CWC22: variants seen among roughly 807,000 people sequenced by gnomAD.
CWC22 encodes the protein pre-mRNA-splicing factor CWC22 homolog.
Under a neutral mutation model 117.2 loss-of-function variants are expected in CWC22, and 53 were observed. The ratio of observed to expected loss-of-function variants is 0.45; its 90% CI spans 0.36 to 0.57. The LOEUF is 0.57. Among genes scored for constraint, CWC22 ranks in the 20% least tolerant of loss-of-function variants. The pLI is 0.00. For synonymous variants in CWC22, 360 were observed against 355.6 expected, an observed-to-expected ratio of 1.01 and a Z score of -0.14; for missense variants, 980 against 1,068.8, an observed-to-expected ratio of 0.92 and a Z score of 1.16.
chr2:179,970,894 A>T (rs1245365305), intron 9 of CWC22, 38 bp from the exon 10 acceptor site: 2 of 1,607,192 alleles, frequency 1.2e-6, no homozygotes, highest in Admixed American at 1.7e-5. Context: ...TAAAATAAGC[A>T]ATAAATATAA....
intron 1 of CWC22, among the ~76,000 whole-genome samples, chr2:180,006,055 G>A (rs894256953): frequency 6.6e-6 from 1 of 152,176 alleles, no homozygotes; most frequent in Non-Finnish European, 1.5e-5. Flanking sequence ...GATAATTTAT[G>A]TTAACTCCTG....
chr2:179,945,841 A>C (rs985169618), intron 19 of CWC22, 126 bp from the exon 20 acceptor site: 7 of 605,268 alleles, frequency 1.2e-5, no homozygotes, highest in Non-Finnish European at 1.7e-5. Flanking sequence ...AGCCAAATTG[A>C]TTGAATAGAA....
chr2:179,963,276 A>C (rs34252047), intron 13 of CWC22, among the ~76,000 whole-genome samples: 21,833 of 149,526 alleles, frequency 0.15, 1,958 homozygotes, highest in Admixed American at 0.29. Context: ...AAGAATATTC[A>C]CCTCTGAGAA....
At chr2:179,957,057 TGA>T (rs1686613104) in intron 14 of CWC22, among the ~76,000 whole-genome samples, 1 of 152,190 alleles carries the variant, frequency 6.6e-6, no homozygotes, top group African/African-American at 2.4e-5. Context: ...CAAAATATAC[TGA>T]GGTTATTTCT....
intron 2 of CWC22, 140 bp downstream of exon 2, chr2:179,993,175 A>C (rs1687613487): frequency 3.1e-6 from 2 of 636,552 alleles, no homozygotes; most frequent in East Asian, 2.8e-5. Context: ...AATTGCAAAA[A>C]CTGCAATTAC....
At chr2:179,995,582 G>A (rs542595511) in intron 1 of CWC22, among the ~76,000 whole-genome samples, 9 of 152,238 alleles carry the variant, frequency 5.9e-5, no homozygotes, top group Admixed American at 2.6e-4. Flanking sequence ...TTTTTAAAAC[G>A]GTAACTGAAC....
At position 179,954,977 on chromosome 2, in the gene CWC22, AT is replaced by A; in HGVS notation, c.1515del (p.Lys505AsnfsTer6). The A allele has an allele frequency of 6.3e-7, 1 of 1,599,726 alleles. No individual in the cohort carries two copies. Among genetic ancestry groups the A allele is most frequent in the Non-Finnish European group, 8.5e-7 (1 of 1,172,282 alleles). Reference protein sequence around the residue: ...DCCAQQRTYEKFFGLLAGRFC... With the variant: ...DCCAQQRTYEXFFGLLAGRFC... ...CTCACCCCAGCTAATAAGCCAAAAA[AT>A]TTTTCGTATGTCCTCTGTTGGGCAC... is the stretch of plus-strand genomic sequence containing the variant. On this transcript the variant is annotated frameshift_variant, in exon 15 of 20. Transcript: ENST00000410053. LOFTEE classifies it high-confidence loss of function.
intron 19 of CWC22, among the ~76,000 whole-genome samples, chr2:179,949,134 T>C (rs765126249): frequency 2.3e-4 from 35 of 152,120 alleles, no homozygotes; most frequent in Non-Finnish European, 4.3e-4. Context: ...AGCAGAAACA[T>C]TGAGAAGTAA....
chr2:179,971,090 C>T lies in CWC22; in HGVS notation c.805-14G>A, dbSNP rs1045651735. 9.3e-6 allele frequency: 14 copies of T among 1,503,672 alleles called. No homozygotes were observed. The highest frequency in any genetic ancestry group is 1.2e-5 in the Non-Finnish European group (14 of 1,122,406). The allele number at this position is 1,503,672 out of a possible 1,614,324, so 93.1% of individuals were successfully genotyped here. Reference sequence around the variant, plus strand: ...TACTTCGTGTGCCTTAAATAAAATACATATACAAGGAAGAAACAAAATGCT... The same window carrying T: ...TACTTCGTGTGCCTTAAATAAAATATATATACAAGGAAGAAACAAAATGCT... On this transcript the variant is annotated splice_polypyrimidine_tract_variant and intron_variant, in intron 8 of 19. Coordinates refer to ENST00000410053, the MANE Select transcript of CWC22 (RefSeq NM_020943.3).
At chr2:180,002,372 T>C (rs1687868263) in intron 1 of CWC22, among the ~76,000 whole-genome samples, 1 of 152,212 alleles carries the variant, frequency 6.6e-6, no homozygotes, top group African/African-American at 2.4e-5. Flanking sequence ...AGGGCCATAA[T>C]TGATATTTAT....
chr2:179,953,302 GT>G (rs1333310876), intron 16 of CWC22, among the ~76,000 whole-genome samples: 1 of 152,004 alleles, frequency 6.6e-6, no homozygotes, highest in Non-Finnish European at 1.5e-5. Context: ...TCTAACCAAT[GT>G]TTTTAAGTTT....
At chr2:180,000,616 T>C (rs1300049851) in intron 1 of CWC22, among the ~76,000 whole-genome samples, 1 of 152,244 alleles carries the variant, frequency 6.6e-6, no homozygotes, top group Admixed American at 6.5e-5. Flanking sequence ...AGTCATTGCA[T>C]ATGCCAGGTG....
intron 19 of CWC22, among the ~76,000 whole-genome samples, chr2:179,948,029 A>G (rs1179797185): frequency 2.6e-5 from 4 of 152,322 alleles, no homozygotes; most frequent in East Asian, 3.9e-4. Flanking sequence ...CAAACTTTGA[A>G]AACATCTTTT....
chr2:179,991,418 T>C (rs773781104), intron 2 of CWC22, among the ~76,000 whole-genome samples: 3 of 152,148 alleles, frequency 2.0e-5, no homozygotes, highest in South Asian at 2.1e-4. Flanking sequence ...AGTGGACCCA[T>C]TGTGGCTAAC....
intron 13 of CWC22, among the ~76,000 whole-genome samples, chr2:179,959,930 G>T (rs910397696): frequency 6.6e-6 from 1 of 151,914 alleles, no homozygotes. Flanking sequence ...AAAATAAGAG[G>T]TATATGCATT....
chr2:179,954,396 T>C (rs1390167418), intron 15 of CWC22, 39 bp from the exon 16 acceptor site: 1 of 1,268,382 alleles, frequency 7.9e-7, no homozygotes, highest in East Asian at 2.4e-5. Context: ...AAATTGAATG[T>C]TAATACAATT....
chr2:179,991,532 G>T (rs1687567444), intron 2 of CWC22, among the ~76,000 whole-genome samples: 1 of 152,148 alleles, frequency 6.6e-6, no homozygotes, highest in South Asian at 2.1e-4. Flanking sequence ...GCAGGCTGGG[G>T]GAGAAAATGC....
chr2:179,986,319 A>C (rs1288318089), intron 4 of CWC22, among the ~76,000 whole-genome samples: 1 of 152,156 alleles, frequency 6.6e-6, no homozygotes, highest in Non-Finnish European at 1.5e-5. Flanking sequence ...CATACAATAT[A>C]AATTTCTTTC....
At chr2:179,958,364 T>G (rs1333520261) in intron 14 of CWC22, among the ~76,000 whole-genome samples, 1 of 149,780 alleles carries the variant, frequency 6.7e-6, no homozygotes, top group African/African-American at 2.5e-5. Flanking sequence ...TGAAGAAAAT[T>G]ATATAAATTT....
Sources: gnomAD v4.1 joint callset for allele counts (sites outside exome capture counted in the v4.1 genomes callset) on GRCh38, gnomAD v4.1.1 for gene constraint, MANE v1.5 for transcripts, NCBI Gene and HGNC (gene_info 2026-07-23, HGNC 2026-07-21) for gene names.